DTNBP1: variants seen among roughly 807,000 people sequenced by gnomAD.
DTNBP1 encodes dystrobrevin binding protein 1.
In DTNBP1, 35 loss-of-function variants were observed where a neutral mutation model predicts 42.8. The observed-to-expected ratio is 0.82, with a 90% CI of 0.63 to 1.09. The LOEUF is 1.09. Among genes scored for constraint, DTNBP1 ranks in the 50% least tolerant of loss-of-function variants. The pLI, the probability that DTNBP1 is intolerant of heterozygous loss-of-function variation, is 0.00. For missense variants in DTNBP1, 457 were observed against 424.2 expected, an observed-to-expected ratio of 1.08 and a Z score of -0.68; for synonymous variants, 171 against 162.2, an observed-to-expected ratio of 1.05 and a Z score of -0.41.
At chr6:15,603,761 G>A (rs1191751713) in intron 6 of DTNBP1, among the ~76,000 whole-genome samples, 1 of 152,194 alleles carries the variant, frequency 6.6e-6, no homozygotes, top group Non-Finnish European at 1.5e-5. Flanking sequence ...ACTGAGGCAA[G>A]AATTCACCGA....
chr6:15,563,380 T>C (rs946554658), intron 7 of DTNBP1, among the ~76,000 whole-genome samples: 3 of 152,138 alleles, frequency 2.0e-5, no homozygotes, highest in East Asian at 3.8e-4. Context: ...TTCATCAAAA[T>C]TAAAAACTTT....
At chr6:15,579,846 C>T (rs1581352502) in intron 7 of DTNBP1, 1 of 455,198 alleles carries the variant, frequency 2.2e-6, no homozygotes, top group East Asian at 6.9e-5. Flanking sequence ...TTTGAATGTT[C>T]TCAATGCAAA....
chr6:15,524,517 C>T lies in DTNBP1; in HGVS notation c.811+9G>A, dbSNP rs199756151. On this transcript the variant is annotated intron_variant, in intron 9 of 9. Transcript: ENST00000344537. ...CCTGGTTCAGCTAATGCAAGTTTGT[C>T]AACCCTACCTAAGGCGGGGGACAGC... 1.2e-6 allele frequency: 2 copies of T among 1,607,744 alleles called. No individual in the cohort carries two copies. Among genetic ancestry groups the T allele is most frequent in the East Asian group, 4.5e-5 (2 of 44,756 alleles).
At chr6:15,541,111 C>T (rs926321902) in intron 7 of DTNBP1, among the ~76,000 whole-genome samples, 4 of 152,000 alleles carry the variant, frequency 2.6e-5, no homozygotes, top group Non-Finnish European at 4.4e-5. Flanking sequence ...CACTGAGGAC[C>T]GAGTATAGTT....
At chr6:15,579,650 CAA>C (rs1010645810) in intron 7 of DTNBP1, among the ~76,000 whole-genome samples, 2 of 152,012 alleles carry the variant, frequency 1.3e-5, no homozygotes, top group African/African-American at 4.8e-5. Context: ...ACTAAAAATA[CAA>C]AAATTAGCTG....
intron 7 of DTNBP1, among the ~76,000 whole-genome samples, chr6:15,568,113 A>G (rs1343075524): frequency 6.6e-6 from 1 of 152,154 alleles, no homozygotes; most frequent in Non-Finnish European, 1.5e-5. Context: ...CCATAAAATA[A>G]TTCTCTAACT....
intron 7 of DTNBP1, among the ~76,000 whole-genome samples, chr6:15,547,254 G>GA (rs1332728115): frequency 2.0e-5 from 3 of 152,192 alleles, no homozygotes; most frequent in Admixed American, 6.5e-5. Context: ...TGTACAGACA[G>GA]AAAACCAGTG....
chr6:15,575,261 G>A (rs1021482004), intron 7 of DTNBP1, among the ~76,000 whole-genome samples: 4 of 152,078 alleles, frequency 2.6e-5, no homozygotes, highest in African/African-American at 9.7e-5. Flanking sequence ...TGTTATTTAG[G>A]GTGTAATACA....
At chr6:15,577,994 A>G (rs1424689500) in intron 7 of DTNBP1, among the ~76,000 whole-genome samples, 1 of 152,250 alleles carries the variant, frequency 6.6e-6, no homozygotes, top group African/African-American at 2.4e-5. Context: ...TAAGGAAAAG[A>G]ATAGTGAAGT....
chr6:15,554,224 T>C (rs1315434115), intron 7 of DTNBP1, among the ~76,000 whole-genome samples: 1 of 152,178 alleles, frequency 6.6e-6, no homozygotes, highest in Non-Finnish European at 1.5e-5. Flanking sequence ...TTATATTAAA[T>C]TTGTATGCTT....
At chr6:15,627,011 C>T (rs1276795432) in intron 5 of DTNBP1, among the ~76,000 whole-genome samples, 1 of 152,212 alleles carries the variant, frequency 6.6e-6, no homozygotes, top group Non-Finnish European at 1.5e-5. Context: ...ATACATTCTA[C>T]AGTAAGGACA....
intron 4 of DTNBP1, among the ~76,000 whole-genome samples, chr6:15,628,636 G>A (rs1759501693): frequency 6.6e-6 from 1 of 151,804 alleles, no homozygotes; most frequent in Non-Finnish European, 1.5e-5. Flanking sequence ...TGAACTCCTG[G>A]CCTCAAGCAA....
Position 15,637,772 on chromosome 6 carries a change from C to T in DTNBP1, c.194G>A (p.Arg65Lys). ...TCCAGCACTTGCACAGTCTTTGGCT[C>T]TTCTGTGAAGTGCAGCCCATGTATC... ...YEDTWAALHR[R>K]AKDCASAGEL... Residue 65 changes from arginine to lysine, a missense_variant, in exon 4 of 10, where the codon AGA (arginine) becomes AAA (lysine). Physicochemically the swap from Arg to Lys is conservative, Grantham distance 26. Coordinates refer to ENST00000344537, the MANE Select transcript of DTNBP1 (RefSeq NM_032122.5). 2 of 1,613,780 alleles carry T rather than the reference C, an allele frequency of 1.2e-6. No homozygotes were observed. Among genetic ancestry groups the T allele is most frequent in the Non-Finnish European group, 1.7e-6 (2 of 1,180,018 alleles).
At position 15,627,384 on chromosome 6, in the gene DTNBP1, GGGAGCTGCT is replaced by G. The variant is rs1250089628; in HGVS notation, c.305_313del (p.Gln102_Leu104del). 1 of 1,613,876 alleles carries G rather than the reference GGGAGCTGCT, an allele frequency of 6.2e-7. No homozygotes were observed. Among genetic ancestry groups the G allele is most frequent in the East Asian group, 2.2e-5 (1 of 44,860 alleles). ...GGATTCTAAGTCTGCGATTAAAGCT[GGGAGCTGCT>G]GGAGCTGCTCTTGCAGCTCCACGAG... is the stretch of plus-strand genomic sequence containing the variant. On this transcript the variant is annotated inframe_deletion, in exon 5 of 10. Coordinates refer to ENST00000344537, the MANE Select transcript of DTNBP1 (RefSeq NM_032122.5).
intron 6 of DTNBP1, among the ~76,000 whole-genome samples, chr6:15,611,787 G>T (rs1758420481): frequency 6.6e-6 from 1 of 152,204 alleles, no homozygotes; most frequent in African/African-American, 2.4e-5. Flanking sequence ...GAAGCCTGAA[G>T]ATACGATTGA....
chr6:15,656,977 C>A (rs1761321056), intron 1 of DTNBP1, among the ~76,000 whole-genome samples: 1 of 152,166 alleles, frequency 6.6e-6, no homozygotes, highest in South Asian at 2.1e-4. Flanking sequence ...TCATAAGGCA[C>A]ATCCAATCTA....
rs1581412455 is a variant in DTNBP1, at chr6:15,629,415, T to C, written c.223-1940A>G. 2.0e-5 allele frequency among the ~76,000 whole-genome samples: 3 copies of C among 152,162 alleles called. No homozygotes were observed. In the South Asian group the frequency reaches 6.2e-4, roughly 32 times the overall value. ...AAATTACATATTAACCATTTCTTAC[T>C]GAAAATTAAAGTGCAATGTTTAAAT... On this transcript the variant is annotated intron_variant, in intron 4 of 9. Transcript: ENST00000344537.
At chr6:15,561,080 T>G (rs1266511629) in intron 7 of DTNBP1, among the ~76,000 whole-genome samples, 1 of 152,244 alleles carries the variant, frequency 6.6e-6, no homozygotes, top group African/African-American at 2.4e-5. Flanking sequence ...CACCTGTTAC[T>G]AGAACCTAGC....
At chr6:15,568,053 G>C (rs1775175818) in intron 7 of DTNBP1, among the ~76,000 whole-genome samples, 1 of 152,150 alleles carries the variant, frequency 6.6e-6, no homozygotes, top group Non-Finnish European at 1.5e-5. Flanking sequence ...GAAAACAGCA[G>C]AATCAGGAAG....
Sources: allele counts gnomAD v4.1 joint callset (sites outside exome capture counted in the v4.1 genomes callset), GRCh38; gene constraint gnomAD v4.1.1; transcripts MANE v1.5; gene names NCBI Gene and HGNC (gene_info 2026-07-23, HGNC 2026-07-21).